The following CPE variants were observed in gnomAD, a reference collection of about 807,000 sequenced individuals.
The protein encoded by CPE is carbocypeptidase E.
A neutral mutation model predicts 53.5 loss-of-function variants in CPE; 17 were observed. That is an observed-to-expected ratio of 0.32 (90% CI 0.22 to 0.48). The LOEUF is 0.48. Among genes scored for constraint, CPE ranks in the 20% least tolerant of loss-of-function variants. The probability of loss-of-function intolerance (pLI) is 0.99; values close to 1 mark genes in which losing one functional copy is unlikely to be tolerated. For synonymous variants in CPE, 226 were observed against 228.8 expected (o/e 0.99, Z 0.11); for missense variants, 524 against 614.7 (o/e 0.85, Z 1.56).
chr4:165,458,951 ACCCT>A (rs1731948273), intron 1 of CPE, among the ~76,000 whole-genome samples: 1 of 152,150 alleles, frequency 6.6e-6, no homozygotes, highest in African/African-American at 2.4e-5. Context: ...TGTCATGCTC[ACCCT>A]ACTGACATGT....
chr4:165,483,528 A>G (rs1732455702), intron 4 of CPE, among the ~76,000 whole-genome samples: 1 of 152,170 alleles, frequency 6.6e-6, no homozygotes, highest in Non-Finnish European at 1.5e-5. Context: ...ACTAGGTTGA[A>G]TGGTAGTTCT....
chr4:165,391,262 T>C (rs968784123), intron 1 of CPE, among the ~76,000 whole-genome samples: 2 of 152,186 alleles, frequency 1.3e-5, no homozygotes, highest in African/African-American at 4.8e-5. Context: ...TAAATGAATG[T>C]ACAGAAGAGT....
At chr4:165,439,177 C>T (rs549213533) in intron 1 of CPE, among the ~76,000 whole-genome samples, 8 of 152,166 alleles carry the variant, frequency 5.3e-5, no homozygotes, top group South Asian at 4.2e-4. Flanking sequence ...TTTGAAAAAC[C>T]GACCAACCAA....
chr4:165,443,667 C>G (rs1436504004), intron 1 of CPE, among the ~76,000 whole-genome samples: 1 of 152,182 alleles, frequency 6.6e-6, no homozygotes, highest in Non-Finnish European at 1.5e-5. Flanking sequence ...TAGGTGCATC[C>G]CAATAGCCTC....
intron 1 of CPE, among the ~76,000 whole-genome samples, chr4:165,426,726 T>C (rs2126676968): frequency 6.6e-6 from 1 of 152,296 alleles, no homozygotes; most frequent in East Asian, 1.9e-4. Flanking sequence ...AAAGTACAAA[T>C]AATTTGACAC....
intron 2 of CPE, 110 bp from the exon 3 acceptor site, chr4:165,467,578 A>G: frequency 9.7e-7 from 1 of 1,030,096 alleles, no homozygotes; most frequent in Non-Finnish European, 1.4e-6. Context: ...GCATTGTTGA[A>G]GTAAATAATC....
chr4:165,473,820 G>A (rs1381047672), intron 3 of CPE, among the ~76,000 whole-genome samples: 1 of 152,182 alleles, frequency 6.6e-6, no homozygotes, highest in Admixed American at 6.5e-5. Context: ...AAATCCCAAA[G>A]GGAAATTTAT....
At chr4:165,401,209 T>G (rs1168611057) in intron 1 of CPE, among the ~76,000 whole-genome samples, 1 of 152,222 alleles carries the variant, frequency 6.6e-6, no homozygotes, top group East Asian at 1.9e-4. Context: ...GTGCCATTGC[T>G]TAGAGTTCTG....
At chr4:165,449,617 C>T (rs1204994254) in intron 1 of CPE, among the ~76,000 whole-genome samples, 4 of 152,034 alleles carry the variant, frequency 2.6e-5, no homozygotes, top group African/African-American at 4.8e-5. Flanking sequence ...CTGAGATATG[C>T]GATGAATATA....
chr4:165,397,702 T>C (rs1730791969), intron 1 of CPE, among the ~76,000 whole-genome samples: 1 of 152,120 alleles, frequency 6.6e-6, no homozygotes, highest in South Asian at 2.1e-4. Flanking sequence ...ATCTCCCTTT[T>C]ATAGGACAAA....
chr4:165,452,029 G>A (rs372552803), intron 1 of CPE, among the ~76,000 whole-genome samples: 1 of 151,324 alleles, frequency 6.6e-6, no homozygotes, highest in African/African-American at 2.4e-5. Context: ...CTGTTTGTCT[G>A]GGATCAGAAA....
At chr4:165,381,470 C>T (rs1730504063) in intron 1 of CPE, 3 of 356,424 alleles carry the variant, frequency 8.4e-6, no homozygotes. Flanking sequence ...ATTCTTCATA[C>T]ATTCAAAATA....
At chr4:165,443,856 C>G (rs2083158) in intron 1 of CPE, among the ~76,000 whole-genome samples, 35,988 of 152,016 alleles carry the variant, frequency 0.24, 4,536 homozygotes, top group East Asian at 0.37. Context: ...GTGATTTGTA[C>G]ATGATGGCTG....
intron 1 of CPE, among the ~76,000 whole-genome samples, chr4:165,408,803 T>G (rs929968129): frequency 6.6e-6 from 1 of 152,208 alleles, no homozygotes; most frequent in African/African-American, 2.4e-5. Flanking sequence ...ATGGTTCCCC[T>G]GTGTATCCTG....
chr4:165,483,157 G>A (rs1178947583), intron 4 of CPE, among the ~76,000 whole-genome samples: 7 of 151,844 alleles, frequency 4.6e-5, no homozygotes, highest in African/African-American at 7.3e-5. Flanking sequence ...CATCCTCCCC[G>A]CTTTTGGAGT....
rs192716701 is a variant in CPE, at chr4:165,405,640, A to G, written c.307+26112A>G. 7.8e-5 allele frequency: 61 copies of G among 780,292 alleles called. 1 individual carries two copies. Among genetic ancestry groups the G allele is most frequent in the Admixed American group, 7.6e-4 (44 of 58,236 alleles). The allele number at this position is 780,292 out of a possible 1,614,324, so 48.3% of individuals were successfully genotyped here. On this transcript the variant is annotated intron_variant, in intron 1 of 8. Transcript: ENST00000402744. ...CTAGTCCTTTGGGAAAGTAATTGCAACTTCTTCTAGGTATTTGATTGTCCA... is the reference window on the plus strand; with the variant it reads ...CTAGTCCTTTGGGAAAGTAATTGCAGCTTCTTCTAGGTATTTGATTGTCCA...
intron 1 of CPE, among the ~76,000 whole-genome samples, chr4:165,417,085 A>G (rs933157145): frequency 4.6e-5 from 7 of 152,266 alleles, no homozygotes; most frequent in African/African-American, 1.7e-4. Flanking sequence ...TAGGGGACAG[A>G]AAGAAAGAGC....
chr4:165,409,593 C>CT (rs570075151), intron 1 of CPE, among the ~76,000 whole-genome samples: 172 of 151,508 alleles, frequency 1.1e-3, no homozygotes, highest in Middle Eastern at 3.4e-3. Flanking sequence ...AATTTGATGA[C>CT]TTTTTTTTTG....
At chr4:165,453,762 A>G (rs552938807) in intron 1 of CPE, among the ~76,000 whole-genome samples, 86 of 152,066 alleles carry the variant, frequency 5.7e-4, no homozygotes, top group Admixed American at 1.0e-3. Context: ...CTGGAGGGAG[A>G]CCCAAAGCAG....
Sources: gnomAD v4.1 joint callset for allele counts (sites outside exome capture counted in the v4.1 genomes callset) on GRCh38, gnomAD v4.1.1 for gene constraint, MANE v1.5 for transcripts, NCBI Gene and HGNC (gene_info 2026-07-23, HGNC 2026-07-21) for gene names.